The following WDFY2 variants were observed in gnomAD, a reference collection of about 807,000 sequenced individuals.
The protein encoded by WDFY2 is WD repeat and FYVE domain-containing protein 2.
Under a neutral mutation model 56.4 loss-of-function variants are expected in WDFY2, and 36 were observed. That is an observed-to-expected ratio of 0.64 (90% CI 0.49 to 0.84). WDFY2 has a LOEUF of 0.84. Ranked by LOEUF, WDFY2 falls within the 40% of genes least tolerant of loss-of-function variation. The pLI, the probability that WDFY2 is intolerant of heterozygous loss-of-function variation, is 0.00. For missense variants in WDFY2, 444 were observed against 512.2 expected (o/e 0.87, Z 1.29); for synonymous variants, 176 against 183.7 (o/e 0.96, Z 0.34).
At chr13:51,618,533 A>T (rs1954665585) in intron 1 of WDFY2, among the ~76,000 whole-genome samples, 1 of 152,220 alleles carries the variant, frequency 6.6e-6, no homozygotes, top group South Asian at 2.1e-4. Context: ...AATCAGTTAT[A>T]CCACCTGGTC....
intron 3 of WDFY2, among the ~76,000 whole-genome samples, chr13:51,679,640 TTCATGTGGGTTA>T (rs1160776578): frequency 2.0e-5 from 3 of 152,164 alleles, no homozygotes; most frequent in African/African-American, 7.2e-5. Flanking sequence ...TTACTGTTAG[TTCATGTGGGTTA>T]TGTAGTAAGT....
intron 4 of WDFY2, 123 bp downstream of exon 4, chr13:51,703,773 G>A: frequency 1.3e-6 from 1 of 790,830 alleles, no homozygotes; most frequent in East Asian, 3.0e-5. Flanking sequence ...AACCTTTTGA[G>A]TGAGTGTTAT....
At chr13:51,679,038 T>C (rs1432746955) in intron 3 of WDFY2, among the ~76,000 whole-genome samples, 1 of 152,276 alleles carries the variant, frequency 6.6e-6, no homozygotes, top group African/African-American at 2.4e-5. Flanking sequence ...GGACCAAAGA[T>C]GTTTGGAGAG....
At chr13:51,612,871 T>C (rs1041714647) in intron 1 of WDFY2, among the ~76,000 whole-genome samples, 2 of 152,240 alleles carry the variant, frequency 1.3e-5, no homozygotes, top group East Asian at 3.8e-4. Context: ...TTTCTTCTTA[T>C]TACAGAGGCA....
At chr13:51,733,007 T>A (rs1952757271) in intron 6 of WDFY2, among the ~76,000 whole-genome samples, 1 of 152,122 alleles carries the variant, frequency 6.6e-6, no homozygotes, top group Admixed American at 6.6e-5. Context: ...CTCTTGCGGA[T>A]AATTAAAGGG....
At chr13:51,642,940 T>A (rs1464057360) in intron 1 of WDFY2, among the ~76,000 whole-genome samples, 1 of 152,156 alleles carries the variant, frequency 6.6e-6, no homozygotes, top group East Asian at 1.9e-4. Flanking sequence ...CCTCCCAAAG[T>A]GCTGGGATTA....
intron 1 of WDFY2, among the ~76,000 whole-genome samples, chr13:51,630,758 C>T (rs77932922): frequency 0.052 from 7,670 of 148,058 alleles, 241 homozygotes; most frequent in Middle Eastern, 0.086. Context: ...TTTTTTTTTT[C>T]AAGTTTTTCT....
intron 1 of WDFY2, chr13:51,598,345 C>T (rs528403824): frequency 1.5e-3 from 232 of 152,192 alleles, no homozygotes; most frequent in Non-Finnish European, 1.8e-3. Context: ...GACAACAGAG[C>T]GAGACTCTGT....
chr13:51,742,597 A>G (rs1049369382), intron 7 of WDFY2, among the ~76,000 whole-genome samples: 3 of 152,224 alleles, frequency 2.0e-5, no homozygotes, highest in Non-Finnish European at 4.4e-5. Context: ...ACCCTTTTAA[A>G]TTCTTACATA....
Position 51,759,900 on chromosome 13 carries a change from G to C in WDFY2, c.*131G>C. ...ACTAAAGACCCTGAATGAATTTGCA[G>C]ATTACCCATGTGCACAGTGGGGACC... On this transcript the variant is annotated 3_prime_UTR_variant, in exon 12 of 12. Transcript: ENST00000298125. 1 of 1,008,636 alleles carries C rather than the reference G, an allele frequency of 9.9e-7. No homozygotes were observed. Among genetic ancestry groups the C allele is most frequent in the Non-Finnish European group, 1.5e-6 (1 of 672,010 alleles). 62.5% of individuals were successfully genotyped at this position (1,008,636 alleles called of 1,614,324 possible). A position where few individuals can be genotyped will look rare whatever the true frequency, so the allele number is the denominator to read the frequency against.
At chr13:51,749,401 T>C (rs1468784311) in intron 7 of WDFY2, among the ~76,000 whole-genome samples, 2 of 152,184 alleles carry the variant, frequency 1.3e-5, no homozygotes, top group South Asian at 2.1e-4. Flanking sequence ...TGTATTTCTT[T>C]TTCATTAATG....
intron 1 of WDFY2, 139 bp downstream of exon 1, chr13:51,584,963 G>A: frequency 8.0e-7 from 1 of 1,242,584 alleles, no homozygotes; most frequent in Non-Finnish European, 1.1e-6. Context: ...GCATCCTGGT[G>A]GTGCCGGTGT....
chr13:51,739,161 G>C lies in WDFY2; in HGVS notation c.711G>C (p.Glu237Asp). ...DIGGRKGTAIELQGHNDRVQA... is the reference protein window; with the variant it reads ...DIGGRKGTAIDLQGHNDRVQA... ...GTGGGAGAAAAGGAACAGCCATCGA[G>C]CTCCAAGGACACAAGTAAGGTTGCT... The change falls in exon 7 of 12, where the codon GAG (glutamate) becomes GAC (aspartate). Residue 237 changes from glutamate (E) to aspartate (D), a missense_variant. Transcript: ENST00000298125. 1 of 1,590,364 alleles carries C rather than the reference G, an allele frequency of 6.3e-7. No individual in the cohort carries two copies. The highest frequency in any genetic ancestry group is 8.6e-7 in the Non-Finnish European group (1 of 1,168,812).
At chr13:51,596,873 A>G (rs1378748744) in intron 1 of WDFY2, among the ~76,000 whole-genome samples, 1 of 152,216 alleles carries the variant, frequency 6.6e-6, no homozygotes, top group African/African-American at 2.4e-5. Context: ...CTGTGTAGCC[A>G]TATTCCTCTC....
rs148326109 is a variant in WDFY2 at position 51,661,301 on chromosome 13, G to T, written c.205+638G>T. ...CCCCAAAATAGGAAATTTCTTTTTAGTCTAGTCTTTTATCTTTAAAATTAA... is the reference window on the plus strand; with the variant it reads ...CCCCAAAATAGGAAATTTCTTTTTATTCTAGTCTTTTATCTTTAAAATTAA... On this transcript the variant is annotated intron_variant, in intron 2 of 11. Coordinates refer to ENST00000298125, the MANE Select transcript of WDFY2 (RefSeq NM_052950.4). 4.0e-3 allele frequency among the ~76,000 whole-genome samples: 610 copies of T among 152,212 alleles called. 2 individuals are homozygous for T. Among genetic ancestry groups the T allele is most frequent in the South Asian group, 0.011 (52 of 4,820 alleles).
rs557167025 is a variant in WDFY2, at chr13:51,656,229, A to G, written c.138-4367A>G. ...CTGAGTACTGCTTTCACAGCCCCCAATACATTTTAATGTGTTGTGCTTTTG... is the reference window on the plus strand; with the variant it reads ...CTGAGTACTGCTTTCACAGCCCCCAGTACATTTTAATGTGTTGTGCTTTTG... On this transcript the variant is annotated intron_variant, in intron 1 of 11. Coordinates refer to ENST00000298125, the MANE Select transcript of WDFY2 (RefSeq NM_052950.4). Among the ~76,000 whole-genome samples the G allele has an allele frequency of 9.2e-5, 14 of 151,948 alleles. No individual in the cohort carries two copies. The South Asian group carries it at 1.5e-3, about 16-fold the overall frequency.
intron 1 of WDFY2, among the ~76,000 whole-genome samples, chr13:51,641,529 A>G (rs1955157050): frequency 6.6e-6 from 1 of 151,110 alleles, no homozygotes; most frequent in South Asian, 2.1e-4. Context: ...ATGCATTCCT[A>G]TAGAATATTT....
Position 51,766,294 on chromosome 13 carries a change from G to C in WDFY2, c.*6525G>C, listed in dbSNP as rs1953746276. On this transcript the variant is annotated 3_prime_UTR_variant, in exon 12 of 12. Transcript: ENST00000298125. ...TAACTGGACAACAGGGAAGGTGCTGGCCCCACATTAGTGCCTGCCCACCGC... is the reference window on the plus strand; with the variant it reads ...TAACTGGACAACAGGGAAGGTGCTGCCCCCACATTAGTGCCTGCCCACCGC... The C allele has an allele frequency of 6.6e-6, 1 of 152,156 alleles. No individual in the cohort carries two copies. Among genetic ancestry groups the C allele is most frequent in the South Asian group, 2.1e-4 (1 of 4,826 alleles). The allele number at this position is 152,156 out of a possible 1,614,324, so 9.4% of individuals were successfully genotyped here. A position where few individuals can be genotyped will look rare whatever the true frequency, so the allele number is the denominator to read the frequency against.
chr13:51,652,984 A>G (rs972275408), intron 1 of WDFY2, among the ~76,000 whole-genome samples: 9 of 152,122 alleles, frequency 5.9e-5, no homozygotes, highest in Non-Finnish European at 1.3e-4. Context: ...CTCCTGGATA[A>G]TATCCTGCAC....
Sources: gnomAD v4.1 joint callset for allele counts (sites outside exome capture counted in the v4.1 genomes callset) on GRCh38, gnomAD v4.1.1 for gene constraint, MANE v1.5 for transcripts, NCBI Gene and HGNC (gene_info 2026-07-23, HGNC 2026-07-21) for gene names.